The following SIAH1 variants were observed in gnomAD, a reference collection of about 807,000 sequenced individuals.
SIAH1 encodes the protein E3 ubiquitin-protein ligase SIAH1.
Under a neutral mutation model 20.0 loss-of-function variants are expected in SIAH1, and 2 were observed. The ratio of observed to expected loss-of-function variants is 0.10; its 90% CI spans 0.04 to 0.31. SIAH1 has a LOEUF of 0.31. SIAH1 is among the 10% of genes least tolerant of loss of function. The probability of loss-of-function intolerance (pLI) is 1.00; values close to 1 mark genes in which losing one functional copy is unlikely to be tolerated. For synonymous variants in SIAH1, 118 were observed against 125.3 expected (o/e 0.94, Z 0.39); for missense variants, 119 against 355.3 (o/e 0.33, Z 5.35).
upstream of SIAH1, chr16:48,387,162 C>T (rs942052396): frequency 2.0e-5 from 3 of 152,254 alleles, no homozygotes; most frequent in African/African-American, 7.2e-5. Flanking sequence ...GTCAGGCACC[C>T]AGAAGCAACT....
chr16:48,386,886 G>A (rs1256481856), upstream of SIAH1, among the ~76,000 whole-genome samples: 1 of 152,148 alleles, frequency 6.6e-6, no homozygotes, highest in Non-Finnish European at 1.5e-5. Context: ...AAATGGATAC[G>A]GACTAAGAGA....
intron 1 of SIAH1, among the ~76,000 whole-genome samples, chr16:48,380,658 C>A (rs1243308995): frequency 1.3e-5 from 2 of 151,138 alleles, no homozygotes; most frequent in Non-Finnish European, 3.0e-5. Context: ...GCGCAGTGGC[C>A]CACGCCTGTA....
chr16:48,378,355 A>AAACAAC (rs376500011), intron 1 of SIAH1, among the ~76,000 whole-genome samples: 5 of 152,166 alleles, frequency 3.3e-5, no homozygotes, highest in Admixed American at 3.3e-4. Context: ...CTTTGTCACA[A>AAACAAC]AACAACAACA....
Position 48,362,013 on chromosome 16 carries a change from C to T in SIAH1, c.416G>A (p.Gly139Asp). 6.2e-7 allele frequency: 1 copy of T among 1,614,162 alleles called. No individual in the cohort carries two copies. The highest frequency in any genetic ancestry group is 8.5e-7 in the Non-Finnish European group (1 of 1,180,028). ...PCPGASCKWQ[G>D]SLDAVMPHLM... The stretch of plus-strand genomic sequence containing the variant: ...ATGGGGCATTACAGCATCCAGAGAG[C>T]CTTGCCATTTACAGGAAGCACCAGG... Residue 139 changes from glycine to aspartate, a missense_variant, in exon 2 of 2, where the codon GGC becomes GAC. Physicochemically the swap from Gly to Asp is moderately conservative, Grantham distance 94. Around this residue, in one of 2 missense-constraint regions of SIAH1, gnomAD observed 84 missense variants for 307.8 expected, o/e 0.27. Transcript: ENST00000394725. This position sits in a 1 kb window ranked among gnomAD's most constrained non-coding sequence, Gnocchi z 4.2.
At chr16:48,380,358 G>A (rs536721245) in intron 1 of SIAH1, among the ~76,000 whole-genome samples, 1 of 151,958 alleles carries the variant, frequency 6.6e-6, no homozygotes, top group Non-Finnish European at 1.5e-5. Flanking sequence ...GGCTGAGCAC[G>A]AGAACAACTG....
chr16:48,361,576 C>A lies in SIAH1; in HGVS notation c.*4G>T. 2 of 1,610,250 alleles carry A rather than the reference C, an allele frequency of 1.2e-6. No individual in the cohort carries two copies. The highest frequency in any genetic ancestry group is 2.2e-5 in the South Asian group (2 of 90,984). ...CACTGGCCAGAAAATGTTTGATTGC[C>A]ATTTCAACACATGGAAATAGTTACA... On this transcript the variant is annotated 3_prime_UTR_variant, in exon 2 of 2. Transcript: ENST00000394725.
At chr16:48,363,121 A>T (rs1960669836) in intron 1 of SIAH1, 1 of 167,126 alleles carries the variant, frequency 6.0e-6, no homozygotes, top group Non-Finnish European at 1.5e-5. Context: ...AGGTTTTGGT[A>T]TGGAGAAGGG....
rs140735626 is a variant in SIAH1 at position 48,365,053 on chromosome 16, C to T, written c.-2-2623G>A. ...GTGTGAAAAAGAAGCGAAATGTGAA[C>T]GGTATTTCTTGGGAACGGAGGTATT... On this transcript the variant is annotated intron_variant, in intron 1 of 1. Coordinates refer to ENST00000394725, the MANE Select transcript of SIAH1 (RefSeq NM_003031.4). 342 of 227,456 alleles carry T rather than the reference C, an allele frequency of 1.5e-3. 3 individuals carry two copies. Among genetic ancestry groups the T allele is most frequent in the South Asian group, 4.4e-3 (41 of 9,326 alleles). 14.1% of individuals were successfully genotyped at this position (227,456 alleles called of 1,614,324 possible).
intron 1 of SIAH1, chr16:48,365,987 G>A (rs1390084159): frequency 4.0e-6 from 4 of 988,900 alleles, no homozygotes; most frequent in South Asian, 5.1e-5. Context: ...CCAGTTCAGG[G>A]CGCGCGGCGC....
In SIAH1 at chr16:48,361,240, C is replaced by A; in HGVS notation, c.*340G>T. 3.8e-6 allele frequency: 1 copy of A among 263,796 alleles called. No homozygotes were observed. The highest frequency in any genetic ancestry group is 7.5e-6 in the Non-Finnish European group (1 of 133,036). 16.3% of individuals were successfully genotyped at this position (263,796 alleles called of 1,614,324 possible). A position where few individuals can be genotyped will look rare whatever the true frequency, so the allele number is the denominator to read the frequency against. On this transcript the variant is annotated 3_prime_UTR_variant, in exon 2 of 2. Coordinates refer to ENST00000394725, the MANE Select transcript of SIAH1 (RefSeq NM_003031.4). ...ACACGCACACACCCACGCAGGCACA[C>A]ACTCCCACGCAAAAACAAACTTTTT...
intron 1 of SIAH1, among the ~76,000 whole-genome samples, chr16:48,381,432 G>C (rs1283838946): frequency 6.6e-6 from 1 of 152,152 alleles, no homozygotes; most frequent in Non-Finnish European, 1.5e-5. Context: ...ACAAACTCAT[G>C]GCCACACAAA....
intron 1 of SIAH1, among the ~76,000 whole-genome samples, chr16:48,375,435 T>C (rs1008163558): frequency 6.6e-6 from 1 of 151,858 alleles, no homozygotes; most frequent in Non-Finnish European, 1.5e-5. Context: ...AGGTCAGGAG[T>C]TGGAGACCAG....
At chr16:48,381,722 T>C (rs1250124529) in intron 1 of SIAH1, among the ~76,000 whole-genome samples, 1 of 152,018 alleles carries the variant, frequency 6.6e-6, no homozygotes, top group Non-Finnish European at 1.5e-5. Flanking sequence ...ATGGTGACAA[T>C]AAAAGAAAGA....
intron 1 of SIAH1, chr16:48,365,807 C>A (rs1960812070): frequency 2.4e-6 from 3 of 1,260,054 alleles, no homozygotes; most frequent in African/African-American, 3.0e-5. Flanking sequence ...CTGCCCAGCT[C>A]CAGTGGAGGC....
rs1960577455 is a variant in SIAH1, at chr16:48,361,241, A to G, written c.*339T>C. The G allele has an allele frequency of 3.7e-6, 1 of 268,676 alleles. No homozygotes were observed. Among genetic ancestry groups the G allele is most frequent in the Non-Finnish European group, 7.3e-6 (1 of 136,184 alleles). The allele number at this position is 268,676 out of a possible 1,614,324, so 16.6% of individuals were successfully genotyped here. A position where few individuals can be genotyped will look rare whatever the true frequency, so the allele number is the denominator to read the frequency against. On this transcript the variant is annotated 3_prime_UTR_variant, in exon 2 of 2. Transcript: ENST00000394725. ...CACGCACACACCCACGCAGGCACAC[A>G]CTCCCACGCAAAAACAAACTTTTTC...
rs59376248 is a variant in SIAH1, at chr16:48,380,928, C to CA, written c.-3+4275dup. On this transcript the variant is annotated intron_variant, in intron 1 of 1. Coordinates refer to ENST00000394725, the MANE Select transcript of SIAH1 (RefSeq NM_003031.4). ...TGGGCGACAGAGTGAGACTCCGTCTCAAAAAAAAAAAAAAAAAGAACGGCT... is the reference window on the plus strand; with the variant it reads ...TGGGCGACAGAGTGAGACTCCGTCTCAAAAAAAAAAAAAAAAAAGAACGGCT... Among the ~76,000 whole-genome samples, 69 of 44,950 alleles carry CA rather than the reference C, an allele frequency of 1.5e-3. 7 individuals carry two copies. Among genetic ancestry groups the CA allele is most frequent in the South Asian group, 4.0e-3 (3 of 748 alleles). The allele number at this position is 44,950 out of a possible 152,430, so 29.5% of individuals were successfully genotyped here.
At chr16:48,384,756 G>A (rs1419674910) in intron 1 of SIAH1, among the ~76,000 whole-genome samples, 1 of 151,338 alleles carries the variant, frequency 6.6e-6, no homozygotes, top group African/African-American at 2.4e-5. Flanking sequence ...GGCCCCGGCA[G>A]CTGCCCGCAC....
At chr16:48,371,143 A>G (rs1375322214) in intron 1 of SIAH1, among the ~76,000 whole-genome samples, 1 of 150,436 alleles carries the variant, frequency 6.6e-6, no homozygotes, top group Non-Finnish European at 1.5e-5. Flanking sequence ...AGTAAGAGCA[A>G]GCTGGCACAT....
chr16:48,379,347 T>C (rs1961197825), intron 1 of SIAH1, among the ~76,000 whole-genome samples: 1 of 152,074 alleles, frequency 6.6e-6, no homozygotes, highest in Non-Finnish European at 1.5e-5. Context: ...GTAGCACAAA[T>C]AGACATTTCA....
Sources: gnomAD v4.1 joint callset for allele counts (sites outside exome capture counted in the v4.1 genomes callset) on GRCh38, gnomAD v4.1.1 for gene constraint, gnomAD v4.1.1 regional missense constraint, Gnocchi (gnomAD v3.1) non-coding constraint, MANE v1.5 for transcripts, NCBI Gene and HGNC (gene_info 2026-07-23, HGNC 2026-07-21) for gene names.